RYR3: variants seen among roughly 807,000 people sequenced by gnomAD.
RYR3 encodes the protein brain ryanodine receptor-calcium release channel.
A neutral mutation model predicts 584.3 loss-of-function variants in RYR3; 207 were observed. The observed-to-expected ratio is 0.35, with a 90% CI of 0.32 to 0.40. RYR3 has a LOEUF of 0.40. RYR3 is among the 10% of genes least tolerant of loss of function. The pLI is 1.00. For synonymous variants in RYR3, 2,416 were observed against 2,248.5 expected, an observed-to-expected ratio of 1.07 and a Z score of -2.11; for missense variants, 5,616 against 6,089.2, an observed-to-expected ratio of 0.92 and a Z score of 2.59.
intron 5 of RYR3, among the ~76,000 whole-genome samples, chr15:33,538,681 G>A (rs534469375): frequency 2.6e-5 from 4 of 152,088 alleles, no homozygotes; most frequent in African/African-American, 4.8e-5. Context: ...TTCTGCCTTC[G>A]CAGGTAGCTG....
intron 58 of RYR3, among the ~76,000 whole-genome samples, chr15:33,755,829 G>T (rs2071766432): frequency 6.6e-6 from 1 of 152,140 alleles, no homozygotes; most frequent in African/African-American, 2.4e-5. Flanking sequence ...GAGTGCAGTG[G>T]CACAGTCTTG....
chr15:33,610,553 C>T (rs942880171), intron 18 of RYR3, among the ~76,000 whole-genome samples: 6 of 152,072 alleles, frequency 3.9e-5, no homozygotes, highest in African/African-American at 1.4e-4. Flanking sequence ...GTCAATTACC[C>T]AAATTAATTA....
intron 19 of RYR3, 91 bp downstream of exon 19, chr15:33,613,466 G>C (rs906619300): frequency 1.5e-6 from 2 of 1,294,368 alleles, no homozygotes; most frequent in Non-Finnish European, 2.1e-6. Context: ...CTCCTTCAGG[G>C]CTTCAGTACT....
intron 65 of RYR3, among the ~76,000 whole-genome samples, chr15:33,783,896 C>G (rs1052532567): frequency 1.4e-5 from 2 of 147,134 alleles, no homozygotes; most frequent in African/African-American, 4.9e-5. Flanking sequence ...TAATTTCCTT[C>G]TGCAAATCAC....
At chr15:33,399,856 C>A (rs533086845) in intron 1 of RYR3, among the ~76,000 whole-genome samples, 1 of 152,134 alleles carries the variant, frequency 6.6e-6, no homozygotes, top group Middle Eastern at 3.4e-3. Flanking sequence ...TATATACATA[C>A]AATCAAATCC....
rs747588756 is a variant in RYR3, at chr15:33,865,185, G to A, written c.14572G>A (p.Gly4858Ser). 7.4e-6 allele frequency: 12 copies of A among 1,613,786 alleles called. No homozygotes were observed. Among genetic ancestry groups the A allele is most frequent in the South Asian group, 4.4e-5 (4 of 91,048 alleles). ...AAGGTGTTGGGATTTCTTCCCAGCC[G>A]GTGACTGCTTTCGTAAACAATATGA... ...QERCWDFFPA[G>S]DCFRKQYEDQ... Residue 4858 changes from glycine (G) to serine (S), a missense_variant, in exon 104 of 104, where the codon GGT becomes AGT. Around this residue, in one of 9 missense-constraint regions of RYR3, gnomAD observed 918 missense variants for 887.4 expected, o/e 1.03. Transcript: ENST00000634891.
At chr15:33,635,146 T>C (rs1411309612) in intron 25 of RYR3, among the ~76,000 whole-genome samples, 2 of 152,156 alleles carry the variant, frequency 1.3e-5, no homozygotes, top group African/African-American at 4.8e-5. Context: ...AGCTTAAAAT[T>C]GATGAGCCTG....
At chr15:33,500,784 G>A (rs1166655129) in intron 2 of RYR3, among the ~76,000 whole-genome samples, 2 of 152,180 alleles carry the variant, frequency 1.3e-5, no homozygotes, top group Non-Finnish European at 2.9e-5. Flanking sequence ...TGGACGAGTG[G>A]CCTTTGCTCA....
At chr15:33,805,623 G>T (rs534191835) in intron 69 of RYR3, among the ~76,000 whole-genome samples, 1 of 151,768 alleles carries the variant, frequency 6.6e-6, no homozygotes, top group Admixed American at 6.6e-5. Context: ...GACTACAGGT[G>T]CCCGCCACCA....
chr15:33,362,409 A>G (rs1421200080), intron 1 of RYR3, among the ~76,000 whole-genome samples: 1 of 152,090 alleles, frequency 6.6e-6, no homozygotes, highest in Non-Finnish European at 1.5e-5. Flanking sequence ...CATCATCATC[A>G]TCATCAGCAG....
At chr15:33,790,294 TTTTG>T (rs140040670) in intron 67 of RYR3, among the ~76,000 whole-genome samples, 88,070 of 150,142 alleles carry the variant, frequency 0.59, 27,827 homozygotes, top group East Asian at 0.95. Flanking sequence ...TGCCCAGCCC[TTTTG>T]TTTGTTTGTT....
At chr15:33,389,089 AG>A (rs1300678457) in intron 1 of RYR3, among the ~76,000 whole-genome samples, 1 of 75,056 alleles carries the variant, frequency 1.3e-5, no homozygotes, top group Non-Finnish European at 2.4e-5. Flanking sequence ...GGGTGGGGGG[AG>A]GGGGGAGGGA....
chr15:33,675,544 A>G (rs1393720213), intron 38 of RYR3, among the ~76,000 whole-genome samples: 1 of 152,214 alleles, frequency 6.6e-6, no homozygotes, highest in Non-Finnish European at 1.5e-5. Flanking sequence ...TAGGCTACCT[A>G]GTCTTAAGTT....
intron 1 of RYR3, among the ~76,000 whole-genome samples, chr15:33,372,040 G>A (rs1304055994): frequency 6.6e-6 from 1 of 152,212 alleles, no homozygotes; most frequent in Admixed American, 6.5e-5. Context: ...GCACATAACA[G>A]CTTCCACTTG....
In RYR3 at chr15:33,412,511, A is replaced by G. The variant is rs895758588; in HGVS notation, c.52-60908A>G. Reference sequence around the variant, plus strand: ...CTTTGAAGCCACCCTGGCCACGTGCATTGGCAGAAGTCTCCCTGCCCTCTG... The same window carrying G: ...CTTTGAAGCCACCCTGGCCACGTGCGTTGGCAGAAGTCTCCCTGCCCTCTG... On this transcript the variant is annotated intron_variant, in intron 1 of 103. Coordinates refer to ENST00000634891, the MANE Select transcript of RYR3 (RefSeq NM_001036.6). This position sits in a 1 kb window ranked among gnomAD's most constrained non-coding sequence, Gnocchi z 4.3. Among the ~76,000 whole-genome samples, 1 of 152,288 alleles carries G rather than the reference A, an allele frequency of 6.6e-6. No individual in the cohort carries two copies.
intron 77 of RYR3, 128 bp from the exon 78 acceptor site, chr15:33,820,628 A>T: frequency 1.4e-6 from 1 of 722,350 alleles, no homozygotes. Flanking sequence ...TCCTGGCTTT[A>T]CACAACGCTG....
At chr15:33,456,188 G>C (rs1484820921) in intron 1 of RYR3, among the ~76,000 whole-genome samples, 1 of 152,080 alleles carries the variant, frequency 6.6e-6, no homozygotes, top group Non-Finnish European at 1.5e-5. Context: ...GATAATGGAT[G>C]GTTACCATCT....
At chr15:33,529,685 T>A (rs1270100681) in intron 3 of RYR3, among the ~76,000 whole-genome samples, 2 of 152,220 alleles carry the variant, frequency 1.3e-5, no homozygotes, top group Non-Finnish European at 2.9e-5. Flanking sequence ...AAAAACTTGA[T>A]TGCTGGTTAG....
intron 37 of RYR3, among the ~76,000 whole-genome samples, chr15:33,669,841 TGTG>T (rs2063711457): frequency 5.3e-4 from 5 of 9,404 alleles, no homozygotes; most frequent in Admixed American, 2.9e-3. Flanking sequence ...GGTGTGTGTG[TGTG>T]GGGGGGGGGG....
Sources: allele counts gnomAD v4.1 joint callset (sites outside exome capture counted in the v4.1 genomes callset), GRCh38; gene constraint gnomAD v4.1.1; regional missense constraint gnomAD v4.1.1; non-coding constraint Gnocchi (gnomAD v3.1); transcripts MANE v1.5; gene names NCBI Gene and HGNC (gene_info 2026-07-23, HGNC 2026-07-21).